COPS3: variants seen among roughly 807,000 people sequenced by gnomAD.
COPS3 encodes the protein COP9 signalosome subunit 3, also known as COP9 signalosome complex subunit 3.
Under a neutral mutation model 58.2 loss-of-function variants are expected in COPS3, and 10 were observed. That is an observed-to-expected ratio of 0.17 (90% CI 0.11 to 0.29). The LOEUF (loss-of-function observed/expected upper bound fraction) is 0.29, where lower values mean the gene tolerates loss of function less well. Among genes scored for constraint, COPS3 ranks in the 10% least tolerant of loss-of-function variants. The pLI, the probability that COPS3 is intolerant of heterozygous loss-of-function variation, is 1.00. For synonymous variants in COPS3, 187 were observed against 181.7 expected (o/e 1.03, Z -0.24); for missense variants, 333 against 510.1 (o/e 0.65, Z 3.34).
In COPS3 at chr17:17,264,811, A is replaced by G; in HGVS notation, c.612T>C (p.Phe204=). 6.2e-7 allele frequency: 1 copy of G among 1,602,764 alleles called. No homozygotes were observed. The highest frequency in any genetic ancestry group is 8.5e-7 in the Non-Finnish European group (1 of 1,176,976). ...GLKNFERALY[F]YEQAITTPAM... ...TTTTTAGAGAGATTACCTGTTCATA[A>G]AAGTAGAGAGCTCTTTCAAAGTTCT... is the stretch of plus-strand genomic sequence containing the variant. Residue 204 remains phenylalanine, a synonymous_variant, in exon 6 of 12, where the codon TTT becomes TTC. Coordinates refer to ENST00000268717, the MANE Select transcript of COPS3 (RefSeq NM_003653.4).
chr17:17,275,188 T>C (rs995877535), intron 2 of COPS3, among the ~76,000 whole-genome samples: 1 of 151,296 alleles, frequency 6.6e-6, no homozygotes, highest in Non-Finnish European at 1.5e-5. Flanking sequence ...CCTTCCAGGC[T>C]CAAGCAATTC....
chr17:17,280,749 A>C (rs1489687804), intron 1 of COPS3: 8 of 1,243,448 alleles, frequency 6.4e-6, no homozygotes, highest in Admixed American at 3.3e-5. Context: ...GATCGGCGGC[A>C]AAGATGACAT....
rs541250126 is a variant in COPS3 at position 17,280,553 on chromosome 17, G to A, written c.55+579C>T. The A allele has an allele frequency of 3.2e-3, 3,390 of 1,045,746 alleles. 15 individuals carry two copies. Among genetic ancestry groups the A allele is most frequent in the South Asian group, 8.3e-3 (419 of 50,738 alleles). 64.8% of individuals were successfully genotyped at this position (1,045,746 alleles called of 1,614,324 possible). On this transcript the variant is annotated intron_variant, in intron 1 of 11. Transcript: ENST00000268717. ...CCAGCCTCGGCTAAAAAAAAACAAA[G>A]AAGAAGAAATGGAGTCCTACGAGCG... is the stretch of plus-strand genomic sequence containing the variant.
chr17:17,252,204 T>C (rs1167598986), intron 9 of COPS3, among the ~76,000 whole-genome samples: 1 of 152,178 alleles, frequency 6.6e-6, no homozygotes, highest in Non-Finnish European at 1.5e-5. Context: ...AAAATGTGTT[T>C]AGCCGTACAC....
chr17:17,264,678 T>A (rs935680459), intron 6 of COPS3, 124 bp downstream of exon 6: 1 of 718,750 alleles, frequency 1.4e-6, no homozygotes, highest in South Asian at 2.0e-5. Context: ...AGAAGTAGTC[T>A]CTGAAAGGAC....
chr17:17,260,810 A>C (rs41283373), intron 7 of COPS3: 18,313 of 168,672 alleles, frequency 0.11, 1,478 homozygotes, highest in South Asian at 0.2. Flanking sequence ...CTCAAAAAAA[A>C]AAAAAAAACC....
At chr17:17,247,378 A>G in intron 11 of COPS3, 102 bp downstream of exon 11, 1 of 1,182,478 alleles carries the variant, frequency 8.5e-7, no homozygotes, top group Non-Finnish European at 1.2e-6. Flanking sequence ...TAAGGTTTTC[A>G]AGAAATATTT....
rs71152859 is a variant in COPS3, at chr17:17,274,426, C to CTT, written c.185+1607_185+1608dup. On this transcript the variant is annotated intron_variant, in intron 2 of 11. Coordinates refer to ENST00000268717, the MANE Select transcript of COPS3 (RefSeq NM_003653.4). ...GTAGTAGAAATTATGATTAGCTTTTCTTTTTTTTTTTTTTGAGACAGAGTC... is the reference window on the plus strand; with the variant it reads ...GTAGTAGAAATTATGATTAGCTTTTCTTTTTTTTTTTTTTTTGAGACAGAGTC... Among the ~76,000 whole-genome samples the CTT allele has an allele frequency of 4.0e-3, 568 of 141,482 alleles. 11 individuals carry two copies. The highest frequency in any genetic ancestry group is 0.011 in the Middle Eastern group (3 of 266). The allele number at this position is 141,482 out of a possible 152,430, so 92.8% of individuals were successfully genotyped here. A position where few individuals can be genotyped will look rare whatever the true frequency, so the allele number is the denominator to read the frequency against.
At chr17:17,264,769 A>G in intron 6 of COPS3, 33 bp downstream of exon 6, 2 of 1,577,294 alleles carry the variant, frequency 1.3e-6, no homozygotes, top group Non-Finnish European at 8.6e-7. Flanking sequence ...ACACAAGTTC[A>G]GAACAACCTC....
intron 7 of COPS3, among the ~76,000 whole-genome samples, chr17:17,261,270 T>TA (rs1260192348): frequency 3.3e-5 from 5 of 152,224 alleles, no homozygotes; most frequent in Non-Finnish European, 7.3e-5. Context: ...CTCACGCCTG[T>TA]AATCCCAGCA....
intron 1 of COPS3, 121 bp downstream of exon 1, chr17:17,281,011 C>T: frequency 8.4e-7 from 1 of 1,196,536 alleles, no homozygotes; most frequent in South Asian, 1.4e-5. Context: ...AACCCCAAGC[C>T]CGGCCCCGGA....
At chr17:17,258,321 C>T (rs558547735) in intron 8 of COPS3, among the ~76,000 whole-genome samples, 15 of 152,250 alleles carry the variant, frequency 9.9e-5, no homozygotes, top group Admixed American at 6.5e-4. Flanking sequence ...TTTTTTGAGA[C>T]GGAGTCTCAC....
At chr17:17,254,986 G>T in intron 8 of COPS3, 41 bp from the exon 9 acceptor site, 1 of 1,384,736 alleles carries the variant, frequency 7.2e-7, no homozygotes, top group Non-Finnish European at 1.0e-6. Flanking sequence ...TAGGAACAAC[G>T]AAGGAAGGAC....
intron 5 of COPS3, among the ~76,000 whole-genome samples, chr17:17,265,394 G>C (rs529423208): frequency 9.9e-5 from 15 of 150,810 alleles, no homozygotes; most frequent in African/African-American, 3.2e-4. Context: ...GAAAAAAACA[G>C]CATTACCTTT....
At chr17:17,248,359 G>GC (rs1429446874) in intron 10 of COPS3, among the ~76,000 whole-genome samples, 66 of 152,246 alleles carry the variant, frequency 4.3e-4, no homozygotes, top group Non-Finnish European at 1.3e-4. Flanking sequence ...TGTTGCCCAG[G>GC]CTGGAGTGCA....
chr17:17,251,271 G>A lies in COPS3; in HGVS notation c.1024-2232C>T, dbSNP rs1175840378. Among the ~76,000 whole-genome samples the A allele has an allele frequency of 2.6e-5, 4 of 151,466 alleles. No individual in the cohort carries two copies. The South Asian group carries it at 6.3e-4, about 24-fold the overall frequency. On this transcript the variant is annotated intron_variant, in intron 9 of 11. Coordinates refer to ENST00000268717, the MANE Select transcript of COPS3 (RefSeq NM_003653.4). Reference sequence around the variant, plus strand: ...AGCCTCCCAAAGTGCTGGAATTACAGGTGTGAGCCACCATACCCGGCCTAT... The same window carrying A: ...AGCCTCCCAAAGTGCTGGAATTACAAGTGTGAGCCACCATACCCGGCCTAT...
intron 1 of COPS3, among the ~76,000 whole-genome samples, chr17:17,279,467 T>C (rs2048530021): frequency 6.6e-6 from 1 of 152,220 alleles, no homozygotes; most frequent in Admixed American, 6.5e-5. Flanking sequence ...GGTTCCTTTA[T>C]TCATAGAAAA....
intron 9 of COPS3, among the ~76,000 whole-genome samples, chr17:17,254,129 C>A (rs749551633): frequency 7.9e-5 from 12 of 151,640 alleles, no homozygotes; most frequent in South Asian, 2.1e-4. Context: ...ATGGAGAAAC[C>A]CCATCTCTTC....
intron 10 of COPS3, among the ~76,000 whole-genome samples, chr17:17,248,242 C>G (rs2047765333): frequency 6.6e-6 from 1 of 152,196 alleles, no homozygotes. Context: ...TAAGTGTTTT[C>G]ACAGTTAAGG....
Sources: gnomAD v4.1 joint callset for allele counts (sites outside exome capture counted in the v4.1 genomes callset) on GRCh38, gnomAD v4.1.1 for gene constraint, MANE v1.5 for transcripts, NCBI Gene and HGNC (gene_info 2026-07-23, HGNC 2026-07-21) for gene names.